The following BNC2 variants were observed in gnomAD, a reference collection of about 807,000 sequenced individuals.
BNC2 encodes zinc finger protein basonuclin-2.
A neutral mutation model predicts 76.3 loss-of-function variants in BNC2; 20 were observed. The ratio of observed to expected loss-of-function variants is 0.26; its 90% CI spans 0.18 to 0.38. BNC2 has a LOEUF of 0.38. Among genes scored for constraint, BNC2 ranks in the 10% least tolerant of loss-of-function variants. The probability of loss-of-function intolerance (pLI) is 1.00; values close to 1 mark genes in which losing one functional copy is unlikely to be tolerated. For missense variants in BNC2, 1,382 were observed against 1,399.8 expected (o/e 0.99, Z 0.20); for synonymous variants, 582 against 514.8 (o/e 1.13, Z -1.77).
intron 1 of BNC2, among the ~76,000 whole-genome samples, chr9:16,847,396 C>CGG (rs200844827): frequency 2.0e-4 from 4 of 20,048 alleles, no homozygotes; most frequent in Non-Finnish European, 3.0e-4. Context: ...GAAGATTTCT[C>CGG]GGGGCGGGGG....
chr9:16,588,965 A>G (rs924547269), intron 3 of BNC2, among the ~76,000 whole-genome samples: 4 of 152,242 alleles, frequency 2.6e-5, no homozygotes, highest in African/African-American at 9.6e-5. Context: ...TATCCCAGTT[A>G]TCTGACGCAA....
chr9:16,576,807 G>A (rs10121959), intron 4 of BNC2, among the ~76,000 whole-genome samples: 25,930 of 152,096 alleles, frequency 0.17, 4,099 homozygotes, highest in African/African-American at 0.42. Context: ...GCACAATCTC[G>A]GCTCACTGCA....
intron 1 of BNC2, among the ~76,000 whole-genome samples, chr9:16,867,076 C>T (rs1241357929): frequency 6.6e-6 from 1 of 152,098 alleles, no homozygotes; most frequent in Non-Finnish European, 1.5e-5. Flanking sequence ...TCAGATTAAA[C>T]CATACGACAT....
At chr9:16,562,706 T>C (rs1819051457) in intron 4 of BNC2, among the ~76,000 whole-genome samples, 1 of 152,218 alleles carries the variant, frequency 6.6e-6, no homozygotes, top group Admixed American at 6.5e-5. Flanking sequence ...TTGGTCATGA[T>C]ACCTAGCAAA....
chr9:16,672,538 G>A (rs1001895888), intron 3 of BNC2, among the ~76,000 whole-genome samples: 5 of 152,040 alleles, frequency 3.3e-5, no homozygotes, highest in East Asian at 1.9e-4. Flanking sequence ...GACCAATCCA[G>A]AGCAAAAAAT....
At chr9:16,766,891 A>C (rs182280714) in intron 1 of BNC2, among the ~76,000 whole-genome samples, 120 of 152,346 alleles carry the variant, frequency 7.9e-4, no homozygotes, top group African/African-American at 2.7e-3. Flanking sequence ...ACAAAAAAAC[A>C]ACTCCCCTAC....
intron 5 of BNC2, among the ~76,000 whole-genome samples, chr9:16,501,130 G>C (rs1427710256): frequency 1.3e-5 from 2 of 152,192 alleles, no homozygotes; most frequent in Non-Finnish European, 2.9e-5. Flanking sequence ...CAGAGTTGGT[G>C]TGGTAACAAA....
intron 5 of BNC2, among the ~76,000 whole-genome samples, chr9:16,509,988 T>G (rs1258303930): frequency 6.6e-6 from 1 of 152,216 alleles, no homozygotes; most frequent in Non-Finnish European, 1.5e-5. Flanking sequence ...CTTACACTGG[T>G]TAGACCATTT....
At chr9:16,540,108 A>G (rs1177635344) in intron 5 of BNC2, among the ~76,000 whole-genome samples, 1 of 149,160 alleles carries the variant, frequency 6.7e-6, no homozygotes, top group Non-Finnish European at 1.5e-5. Context: ...AAAAAAGACA[A>G]TTTTCTTTCT....
chr9:16,455,732 T>C (rs1381473835), intron 5 of BNC2, among the ~76,000 whole-genome samples: 2 of 150,366 alleles, frequency 1.3e-5, no homozygotes, highest in Non-Finnish European at 3.0e-5. Flanking sequence ...ATGGAGGTTG[T>C]AGTGAGCCGA....
At chr9:16,612,333 A>G (rs1820571619) in intron 3 of BNC2, among the ~76,000 whole-genome samples, 1 of 152,196 alleles carries the variant, frequency 6.6e-6, no homozygotes, top group African/African-American at 2.4e-5. Context: ...GCCTCATGAT[A>G]CAATACTGTA....
At chr9:16,766,795 G>C (rs888612050) in intron 1 of BNC2, among the ~76,000 whole-genome samples, 2 of 152,214 alleles carry the variant, frequency 1.3e-5, no homozygotes, top group African/African-American at 4.8e-5. Flanking sequence ...GGTTTGGGAA[G>C]GTTACTTTGC....
chr9:16,754,045 C>G (rs1825303575), intron 1 of BNC2, among the ~76,000 whole-genome samples: 1 of 152,116 alleles, frequency 6.6e-6, no homozygotes, highest in African/African-American at 2.4e-5. Flanking sequence ...AGAGTGCTCG[C>G]TTATAGCCTG....
At chr9:16,626,908 G>A (rs1821012248) in intron 3 of BNC2, among the ~76,000 whole-genome samples, 2 of 152,132 alleles carry the variant, frequency 1.3e-5, no homozygotes, top group African/African-American at 2.4e-5. Flanking sequence ...CACACTCACA[G>A]CCCTGTTAAT....
intron 4 of BNC2, among the ~76,000 whole-genome samples, chr9:16,554,303 C>T (rs1818755233): frequency 1.3e-5 from 2 of 152,186 alleles, no homozygotes; most frequent in Admixed American, 1.3e-4. Context: ...GGCTCCTCCT[C>T]CACTCTCATT....
chr9:16,799,834 G>C (rs1817739309), intron 1 of BNC2, among the ~76,000 whole-genome samples: 2 of 152,186 alleles, frequency 1.3e-5, no homozygotes, highest in South Asian at 2.1e-4. Context: ...TGTTTTTTCA[G>C]AACTTTTTTA....
At chr9:16,451,868 C>G (rs10810565) in intron 5 of BNC2, among the ~76,000 whole-genome samples, 79,242 of 152,016 alleles carry the variant, frequency 0.52, 23,412 homozygotes, top group African/African-American at 0.8. Flanking sequence ...TCAATGCTCA[C>G]AGAGTTTATA....
intron 3 of BNC2, among the ~76,000 whole-genome samples, chr9:16,709,602 C>A (rs186064659): frequency 1.2e-3 from 187 of 152,272 alleles, no homozygotes; most frequent in African/African-American, 4.3e-3. Flanking sequence ...ATTTCTTTCT[C>A]AAGAAAAACC....
intron 3 of BNC2, among the ~76,000 whole-genome samples, chr9:16,696,991 C>G (rs182880465): frequency 6.6e-6 from 1 of 152,258 alleles, no homozygotes; most frequent in East Asian, 1.9e-4. Context: ...CAGCTTACTT[C>G]TGAATATCTC....
Sources: allele counts gnomAD v4.1 joint callset (sites outside exome capture counted in the v4.1 genomes callset), GRCh38; gene constraint gnomAD v4.1.1; transcripts MANE v1.5; gene names NCBI Gene and HGNC (gene_info 2026-07-23, HGNC 2026-07-21).